METAP1D: variants seen among roughly 807,000 people sequenced by gnomAD.
The protein encoded by METAP1D is methionine aminopeptidase 1D, mitochondrial.
METAP1D carries 31 observed loss-of-function variants against 40.5 expected under a neutral mutation model. That is an observed-to-expected ratio of 0.77 (90% CI 0.58 to 1.03). The LOEUF (loss-of-function observed/expected upper bound fraction) is 1.03. Among genes scored for constraint, METAP1D ranks in the 50% least tolerant of loss-of-function variants. The pLI is 0.00. For missense variants in METAP1D, 411 were observed against 420.7 expected (o/e 0.98, Z 0.20); for synonymous variants, 151 against 146.4 (o/e 1.03, Z -0.22).
At chr2:172,075,925 C>CT (rs1690532630) in intron 6 of METAP1D, among the ~76,000 whole-genome samples, 2 of 152,198 alleles carry the variant, frequency 1.3e-5, no homozygotes, top group Non-Finnish European at 2.9e-5. Context: ...TATGATACTC[C>CT]TGGAGCCAGA....
intron 1 of METAP1D, among the ~76,000 whole-genome samples, chr2:172,033,417 G>A (rs1222495040): frequency 6.6e-6 from 1 of 151,066 alleles, no homozygotes. Context: ...GCAGTGGTGC[G>A]ATCTTGGCTC....
In METAP1D at chr2:172,070,945, A is replaced by G. The variant is rs1690405935; in HGVS notation, c.579A>G (p.Thr193=). Residue 193 remains threonine (T), a synonymous_variant, in exon 6 of 10, where the codon ACA becomes ACG. Coordinates refer to ENST00000315796, the MANE Select transcript of METAP1D (RefSeq NM_199227.3). The stretch of plus-strand genomic sequence containing the variant: ...GCTACCATGGAGACACCTCTGAAAC[A>G]TTTTTGGTGGGCAATGTGGACGAAT... ...YNGYHGDTSE[T]FLVGNVDECG... is the part of the protein sequence containing the mutation. The G allele has an allele frequency of 6.2e-7, 1 of 1,612,950 alleles. No individual in the cohort carries two copies. The highest frequency in any genetic ancestry group is 1.7e-4 in the Middle Eastern group (1 of 6,054).
intron 1 of METAP1D, among the ~76,000 whole-genome samples, chr2:172,010,493 C>CTTTTTTTT (rs759651661): frequency 1.1e-5 from 1 of 88,962 alleles, no homozygotes; most frequent in Non-Finnish European, 2.0e-5. Context: ...CTTCTTTCCT[C>CTTTTTTTT]TTTTTTTTTT....
At chr2:172,072,907 C>A (rs1559021523) in intron 6 of METAP1D, among the ~76,000 whole-genome samples, 1 of 152,058 alleles carries the variant, frequency 6.6e-6, no homozygotes, top group Non-Finnish European at 1.5e-5. Context: ...GAGGAACAGG[C>A]GTGCAGATGA....
At chr2:172,061,784 T>G in intron 2 of METAP1D, 129 bp downstream of exon 2, 1 of 756,380 alleles carries the variant, frequency 1.3e-6, no homozygotes, top group South Asian at 3.6e-5. Flanking sequence ...AGGTTTGTGA[T>G]CTAAAACTGT....
At chr2:172,040,051 G>C (rs1318973821) in intron 1 of METAP1D, among the ~76,000 whole-genome samples, 1 of 151,396 alleles carries the variant, frequency 6.6e-6, no homozygotes, top group Non-Finnish European at 1.5e-5. Flanking sequence ...ACTGCCTGCC[G>C]GGTTCAAGCG....
Position 172,022,694 on chromosome 2 carries a change from C to T in METAP1D, c.40+22685C>T, listed in dbSNP as rs998499092. On this transcript the variant is annotated intron_variant, in intron 1 of 9. Coordinates refer to ENST00000315796, the MANE Select transcript of METAP1D (RefSeq NM_199227.3). ...GTGCTGTTTAGCTATGTAACATACTCGTGGCTTTTCCTTTTATTAGAATTT... is the reference window on the plus strand; with the variant it reads ...GTGCTGTTTAGCTATGTAACATACTTGTGGCTTTTCCTTTTATTAGAATTT... Among the ~76,000 whole-genome samples the T allele has an allele frequency of 2.6e-5, 4 of 152,010 alleles. No homozygotes were observed. In the South Asian group the frequency reaches 6.2e-4, roughly 24 times the overall value.
rs1362158796 is a variant in METAP1D at position 172,077,808 on chromosome 2, A to G, written c.716A>G (p.His239Arg). The G allele has an allele frequency of 3.7e-6, 6 of 1,602,318 alleles. No individual in the cohort carries two copies. The East Asian group carries it at 1.3e-4, about 36-fold the overall frequency. Residue 239 changes from histidine to arginine, a missense_variant, in exon 7 of 10, where the codon CAT (histidine) becomes CGT (arginine). Coordinates refer to ENST00000315796, the MANE Select transcript of METAP1D (RefSeq NM_199227.3). ...VIGNTISHIT[H>R]QNGFQVCPHF... ...GGTCACTTTTAAAGCCACATAACTC[A>G]TCAGAATGGTTTTCAAGTCTGTCCA...
chr2:172,076,555 C>G (rs747483685), intron 6 of METAP1D, among the ~76,000 whole-genome samples: 3 of 152,254 alleles, frequency 2.0e-5, no homozygotes, highest in Non-Finnish European at 4.4e-5. Context: ...TATAGCTTAC[C>G]TATTTCTGCA....
At chr2:172,055,351 T>C (rs1689980319) in intron 1 of METAP1D, among the ~76,000 whole-genome samples, 1 of 152,242 alleles carries the variant, frequency 6.6e-6, no homozygotes, top group Non-Finnish European at 1.5e-5. Context: ...ATGAATTATA[T>C]AGGAAATTCA....
intron 1 of METAP1D, among the ~76,000 whole-genome samples, chr2:172,004,963 C>G (rs1330027433): frequency 6.6e-6 from 1 of 151,344 alleles, no homozygotes; most frequent in Non-Finnish European, 1.5e-5. Flanking sequence ...GTCTCTGTCA[C>G]GAAGGCTGGA....
At chr2:172,039,760 C>T (rs1437625291) in intron 1 of METAP1D, among the ~76,000 whole-genome samples, 1 of 151,698 alleles carries the variant, frequency 6.6e-6, no homozygotes, top group South Asian at 2.1e-4. Flanking sequence ...CTCCGCCTCC[C>T]GGGTTCTAAA....
chr2:172,005,520 T>TTATATATATATATATATATATATA (rs34982215), intron 1 of METAP1D, among the ~76,000 whole-genome samples: 69 of 110,906 alleles, frequency 6.2e-4, no homozygotes, highest in Admixed American at 1.4e-3. Context: ...TGTCTGTATT[T>TTATATATATATATATATATATATA]TATATATATA....
chr2:172,062,675 A>G (rs529950772), intron 2 of METAP1D, among the ~76,000 whole-genome samples: 2 of 151,776 alleles, frequency 1.3e-5, no homozygotes, highest in East Asian at 3.9e-4. Context: ...GTGGGAGAGT[A>G]GATGTTCCTC....
intron 1 of METAP1D, among the ~76,000 whole-genome samples, chr2:172,036,869 T>C (rs1238274763): frequency 2.0e-5 from 3 of 152,232 alleles, no homozygotes; most frequent in African/African-American, 7.2e-5. Flanking sequence ...CTTGGCATTG[T>C]CAGACTTTTA....
At chr2:172,079,397 C>G (rs1690641929) in intron 8 of METAP1D, 135 bp downstream of exon 8, 4 of 790,234 alleles carry the variant, frequency 5.1e-6, no homozygotes, top group Non-Finnish European at 2.1e-6. Context: ...CACTGGAAAT[C>G]TGATTAAATA....
In METAP1D at chr2:172,045,874, CTTTAGTGG is replaced by C. The variant is rs1251964205; in HGVS notation, c.41-15622_41-15615del. On this transcript the variant is annotated intron_variant, in intron 1 of 9. Coordinates refer to ENST00000315796, the MANE Select transcript of METAP1D (RefSeq NM_199227.3). ...ATATATATATATATATGACGGAATTCTTTAGTGGTGATTTGTGAGATTTTGGTGCACCT... is the reference window on the plus strand; with the variant it reads ...ATATATATATATATATGACGGAATTCTGATTTGTGAGATTTTGGTGCACCT... Among the ~76,000 whole-genome samples, 40 of 83,986 alleles carry C rather than the reference CTTTAGTGG, an allele frequency of 4.8e-4. 1 individual carries two copies. The highest frequency in any genetic ancestry group is 2.0e-3 in the African/African-American group (40 of 19,960). The allele number at this position is 83,986 out of a possible 152,430, so 55.1% of individuals were successfully genotyped here.
At chr2:172,065,877 T>A in intron 4 of METAP1D, 125 bp downstream of exon 4, 1 of 1,048,436 alleles carries the variant, frequency 9.5e-7, no homozygotes, top group Non-Finnish European at 1.3e-6. Flanking sequence ...AAATTGATTA[T>A]GATAAAACAG....
intron 5 of METAP1D, among the ~76,000 whole-genome samples, chr2:172,070,423 C>T (rs944358248): frequency 1.3e-5 from 2 of 152,154 alleles, no homozygotes; most frequent in African/African-American, 4.8e-5. Context: ...ACAGACATGT[C>T]TATCTTACTT....
Sources: allele counts gnomAD v4.1 joint callset (sites outside exome capture counted in the v4.1 genomes callset), GRCh38; gene constraint gnomAD v4.1.1; transcripts MANE v1.5; gene names NCBI Gene and HGNC (gene_info 2026-07-23, HGNC 2026-07-21).